Variants in SECISBP2 observed in about 807,000 individuals in gnomAD.
The protein encoded by SECISBP2 is SECIS binding protein 2.
In SECISBP2, 96 loss-of-function variants were observed where a neutral mutation model predicts 98.2. That is an observed-to-expected ratio of 0.98 (90% CI 0.83 to 1.16). SECISBP2 has a LOEUF of 1.16. SECISBP2 is among the 50% of genes most tolerant of loss of function. The pLI is 0.00. For missense variants in SECISBP2, 1,046 were observed against 1,022.9 expected, an observed-to-expected ratio of 1.02 and a Z score of -0.31; for synonymous variants, 407 against 370.2, an observed-to-expected ratio of 1.10 and a Z score of -1.14.
downstream of SECISBP2, chr9:89,362,457 TTGG>T: frequency 6.2e-7 from 1 of 1,614,008 alleles, no homozygotes; most frequent in East Asian, 2.2e-5. Flanking sequence ...CTTTGAATCC[TTGG>T]TGGAACGGAT....
intron 3 of SECISBP2, 104 bp from the exon 4 acceptor site, chr9:89,325,793 C>G: frequency 6.3e-7 from 1 of 1,588,514 alleles, no homozygotes; most frequent in Non-Finnish European, 8.6e-7. Context: ...TTGTATTTAA[C>G]CTTTTAAAAA....
At chr9:89,333,898 G>A in intron 6 of SECISBP2, 2 of 317,786 alleles carry the variant, frequency 6.3e-6, no homozygotes, top group South Asian at 1.2e-4. Context: ...TTCACAGGCT[G>A]CTCTGAGGAT....
At chr9:89,338,732 T>G (rs1385144809) in intron 8 of SECISBP2, 152 bp downstream of exon 8, 1 of 780,926 alleles carries the variant, frequency 1.3e-6, no homozygotes, top group East Asian at 2.7e-5. Context: ...GCCACTCTTC[T>G]CACCTCTTCA....
chr9:89,333,998 A>AGG (rs1193326013), intron 6 of SECISBP2: 10 of 1,027,728 alleles, frequency 9.7e-6, no homozygotes, highest in Non-Finnish European at 1.2e-5. Flanking sequence ...GTGTCCTGAT[A>AGG]GATGTCTTTG....
chr9:89,363,942 C>G (rs78977040), downstream of SECISBP2: 2 of 1,614,046 alleles, frequency 1.2e-6, no homozygotes, highest in Non-Finnish European at 1.7e-6. Context: ...AAGCGAATGT[C>G]TGCAGGACCT....
chr9:89,320,546 C>G (rs1455895149), intron 2 of SECISBP2, among the ~76,000 whole-genome samples: 1 of 152,070 alleles, frequency 6.6e-6, no homozygotes, highest in Non-Finnish European at 1.5e-5. Context: ...GGACTAGCAA[C>G]CATAGCTGCC....
At chr9:89,337,892 C>T (rs1379308444) in intron 7 of SECISBP2, among the ~76,000 whole-genome samples, 3 of 152,204 alleles carry the variant, frequency 2.0e-5, no homozygotes, top group Non-Finnish European at 4.4e-5. Flanking sequence ...TGAGGAGCAG[C>T]CCCAGCTTAG....
At chr9:89,345,756 G>T (rs1290358645) in intron 10 of SECISBP2, among the ~76,000 whole-genome samples, 2 of 152,142 alleles carry the variant, frequency 1.3e-5, no homozygotes, top group African/African-American at 4.8e-5. Flanking sequence ...GTGTCATTGG[G>T]GACCGGGTGA....
chr9:89,319,693 A>G lies in SECISBP2; in HGVS notation c.78A>G (p.Arg26=). ...CAGATGTCAAACCATTTGTCCCCAG[A>G]TTTGCCGGGCTCAATGTGGCATGGT... is the stretch of plus-strand genomic sequence containing the variant. ...LSADVKPFVP[R]FAGLNVAWLE... Residue 26 remains arginine (R), a synonymous_variant, in exon 2 of 17, where the codon AGA becomes AGG. Coordinates refer to ENST00000375807, the MANE Select transcript of SECISBP2 (RefSeq NM_024077.5). 6.2e-7 allele frequency: 1 copy of G among 1,614,170 alleles called. No homozygotes were observed. Among genetic ancestry groups the G allele is most frequent in the Non-Finnish European group, 8.5e-7 (1 of 1,180,032 alleles).
chr9:89,334,148 A>G, intron 6 of SECISBP2: 2 of 1,157,080 alleles, frequency 1.7e-6, no homozygotes, highest in Non-Finnish European at 2.1e-6. Flanking sequence ...TTAAAGGTAC[A>G]CTTCAAGGTT....
At chr9:89,319,505 C>A in intron 1 of SECISBP2, 147 bp from the exon 2 acceptor site, 2 of 849,586 alleles carry the variant, frequency 2.4e-6, no homozygotes, top group Non-Finnish European at 1.9e-6. Context: ...CGTTAGCAAG[C>A]AGGTTCTTGT....
chr9:89,355,483 T>A (rs1831922511), intron 14 of SECISBP2: 2 of 957,974 alleles, frequency 2.1e-6, no homozygotes, highest in Non-Finnish European at 2.5e-6. Context: ...TGTTGCCCAT[T>A]TGCTTTTGGG....
At chr9:89,322,896 G>A (rs1187955722) in intron 2 of SECISBP2, 2 of 152,144 alleles carry the variant, frequency 1.3e-5, no homozygotes, top group Non-Finnish European at 2.9e-5. Flanking sequence ...TTGCTGGGTA[G>A]GCAATAGGGA....
chr9:89,349,807 T>G lies in SECISBP2; in HGVS notation c.1770T>G (p.Thr590=), dbSNP rs999244355. The change falls in exon 13 of 17, where the codon ACT becomes ACG. Residue 590 remains threonine (T), a synonymous_variant. Transcript: ENST00000375807. ...GPEGMDELIS[T]PSVEDKSEEP... Reference sequence around the variant, plus strand: ...AGGGGATGGACGAACTGATCTCCACTCCTTCGGTTGAGGACAAGTCTGAAG... The same window carrying G: ...AGGGGATGGACGAACTGATCTCCACGCCTTCGGTTGAGGACAAGTCTGAAG... The G allele has an allele frequency of 6.2e-7, 1 of 1,614,004 alleles. No individual in the cohort carries two copies. Among genetic ancestry groups the G allele is most frequent in the African/African-American group, 1.3e-5 (1 of 74,888 alleles).
At chr9:89,362,553 T>TC, downstream of SECISBP2, 1 of 1,552,724 alleles carries the variant, frequency 6.4e-7, no homozygotes, top group Non-Finnish European at 8.9e-7. Flanking sequence ...CTGTTGTGGT[T>TC]CCCCTCCTTG....
chr9:89,337,740 C>T (rs187143807), intron 7 of SECISBP2, among the ~76,000 whole-genome samples: 3 of 152,188 alleles, frequency 2.0e-5, no homozygotes, highest in Non-Finnish European at 4.4e-5. Context: ...CAAAAAGTTC[C>T]CTGCCCTTTT....
chr9:89,340,960 G>A (rs940672323), intron 9 of SECISBP2, among the ~76,000 whole-genome samples: 14 of 151,902 alleles, frequency 9.2e-5, no homozygotes, highest in Admixed American at 2.6e-4. Flanking sequence ...GTTGGTTTAC[G>A]GAGGCATTTG....
intron 14 of SECISBP2, among the ~76,000 whole-genome samples, chr9:89,354,301 C>A (rs1831728419): frequency 6.6e-6 from 1 of 152,226 alleles, no homozygotes; most frequent in South Asian, 2.1e-4. Flanking sequence ...GTGGTACTTT[C>A]AGCTGTGACT....
At chr9:89,353,609 T>C (rs78702775) in intron 14 of SECISBP2, among the ~76,000 whole-genome samples, 3,103 of 152,328 alleles carry the variant, frequency 0.02, 45 homozygotes, top group Non-Finnish European at 0.029. Flanking sequence ...GTTCTAGGCT[T>C]TTCTCACTGT....
Sources: gnomAD v4.1 joint callset for allele counts (sites outside exome capture counted in the v4.1 genomes callset) on GRCh38, gnomAD v4.1.1 for gene constraint, MANE v1.5 for transcripts, NCBI Gene and HGNC (gene_info 2026-07-23, HGNC 2026-07-21) for gene names.